PRKN: variants seen among roughly 807,000 people sequenced by gnomAD.
PRKN encodes the protein E3 ubiquitin-protein ligase parkin.
A neutral mutation model predicts 59.5 loss-of-function variants in PRKN; 56 were observed. The observed-to-expected ratio is 0.94, with a 90% CI of 0.76 to 1.18. PRKN has a LOEUF of 1.18. Ranked by LOEUF, PRKN falls within the 50% of genes most tolerant of loss-of-function variation. The pLI, the probability that PRKN is intolerant of heterozygous loss-of-function variation, is 0.00. For synonymous variants in PRKN, 250 were observed against 222.1 expected (o/e 1.13, Z -1.12); for missense variants, 657 against 596.4 (o/e 1.10, Z -1.06).
rs141128005 is a variant in PRKN at position 162,281,594 on chromosome 6, T to C, written c.172-18829A>G. ...AAATGAAAGCAAAATCCAAAGTTGC[T>C]TATAAAAAAGAAATCTTTGTTTTGG... On this transcript the variant is annotated intron_variant, in intron 2 of 11. Transcript: ENST00000366898. Among the ~76,000 whole-genome samples, 167 of 152,228 alleles carry C rather than the reference T, an allele frequency of 1.1e-3. 1 individual carries two copies. The highest frequency in any genetic ancestry group is 3.9e-3 in the African/African-American group (160 of 41,530).
At chr6:161,905,543 A>C (rs76988288) in intron 6 of PRKN, among the ~76,000 whole-genome samples, 9,327 of 152,218 alleles carry the variant, frequency 0.061, 407 homozygotes, top group Middle Eastern at 0.12. Flanking sequence ...GTGTCTCGTT[A>C]ACTGACTGCT....
chr6:162,710,802 GCTCTTGT>G (rs1356320399), intron 1 of PRKN, among the ~76,000 whole-genome samples: 2 of 152,120 alleles, frequency 1.3e-5, no homozygotes, highest in Admixed American at 6.6e-5. Context: ...CTGCAACTAA[GCTCTTGT>G]GGAGAAAAAT....
intron 8 of PRKN, among the ~76,000 whole-genome samples, chr6:161,558,197 A>G (rs1780313583): frequency 6.6e-6 from 1 of 152,166 alleles, no homozygotes; most frequent in Non-Finnish European, 1.5e-5. Flanking sequence ...CTGCATTAGA[A>G]CTAAGGCTGA....
intron 4 of PRKN, among the ~76,000 whole-genome samples, chr6:162,197,671 A>G (rs1784549329): frequency 6.6e-6 from 1 of 152,186 alleles, no homozygotes; most frequent in Admixed American, 6.5e-5. Context: ...GTCTCTTTGT[A>G]AAAACACTGG....
intron 5 of PRKN, among the ~76,000 whole-genome samples, chr6:162,022,614 C>T (rs1196785549): frequency 1.3e-5 from 2 of 152,102 alleles, no homozygotes; most frequent in African/African-American, 4.8e-5. Flanking sequence ...TTCTCTCATT[C>T]TGTAAGTTGT....
At chr6:161,586,272 C>G (rs1461176698) in intron 7 of PRKN, among the ~76,000 whole-genome samples, 1 of 152,194 alleles carries the variant, frequency 6.6e-6, no homozygotes, top group Non-Finnish European at 1.5e-5. Flanking sequence ...CCCACCTCAG[C>G]CTCCCACAGC....
intron 2 of PRKN, among the ~76,000 whole-genome samples, chr6:162,347,924 G>A (rs144743023): frequency 9.9e-5 from 15 of 152,266 alleles, no homozygotes; most frequent in African/African-American, 1.7e-4. Context: ...CCTTGAGAGC[G>A]TTTCCAGGCT....
intron 1 of PRKN, among the ~76,000 whole-genome samples, chr6:162,697,249 G>A (rs1025280002): frequency 2.0e-5 from 3 of 152,066 alleles, no homozygotes; most frequent in African/African-American, 7.2e-5. Context: ...TAAGAAAAAT[G>A]TTTTAAGTTT....
intron 4 of PRKN, among the ~76,000 whole-genome samples, chr6:162,065,946 A>G (rs994014636): frequency 1.3e-5 from 2 of 152,206 alleles, no homozygotes; most frequent in African/African-American, 4.8e-5. Context: ...TATATGTGCC[A>G]CATTTTCTTA....
chr6:161,975,412 ATAGAT>A (rs1780989700), intron 5 of PRKN, among the ~76,000 whole-genome samples: 1 of 152,212 alleles, frequency 6.6e-6, no homozygotes, highest in Non-Finnish European at 1.5e-5. Flanking sequence ...GTGAAAAACA[ATAGAT>A]TAATCAACGC....
chr6:161,748,066 T>C (rs1197004705), intron 7 of PRKN, among the ~76,000 whole-genome samples: 1 of 152,192 alleles, frequency 6.6e-6, no homozygotes, highest in Admixed American at 6.5e-5. Flanking sequence ...TAACCCAGCA[T>C]TAGAAAGGAA....
At chr6:161,941,324 A>G (rs551307550) in intron 6 of PRKN, among the ~76,000 whole-genome samples, 1 of 152,276 alleles carries the variant, frequency 6.6e-6, no homozygotes, top group East Asian at 1.9e-4. Flanking sequence ...GTCTACAGGA[A>G]CACACCAACA....
chr6:162,324,220 A>C (rs12191007), intron 2 of PRKN, among the ~76,000 whole-genome samples: 72,143 of 151,968 alleles, frequency 0.47, 17,763 homozygotes, highest in South Asian at 0.55. Context: ...TAAGTACATT[A>C]TAGACAATGC....
intron 7 of PRKN, among the ~76,000 whole-genome samples, chr6:161,634,633 G>A (rs1783445468): frequency 6.6e-6 from 1 of 152,156 alleles, no homozygotes; most frequent in Non-Finnish European, 1.5e-5. Flanking sequence ...TGGAAGTTGA[G>A]GTGGGCTCGC....
intron 4 of PRKN, among the ~76,000 whole-genome samples, chr6:162,061,074 T>C (rs1002646211): frequency 6.6e-6 from 1 of 152,178 alleles, no homozygotes; most frequent in Admixed American, 6.5e-5. Context: ...AACAAAATGA[T>C]ACAAAGAAGG....
At position 161,550,188 on chromosome 6, in the gene PRKN, G is replaced by A. The variant is rs151241543; in HGVS notation, c.934-1185C>T. Among the ~76,000 whole-genome samples, 1 of 152,164 alleles carries A rather than the reference G, an allele frequency of 6.6e-6. No individual in the cohort carries two copies. Among genetic ancestry groups the A allele is most frequent in the African/African-American group, 2.4e-5 (1 of 41,436 alleles). The stretch of plus-strand genomic sequence containing the variant: ...GTTGGCTGTTCAGGGTACAACAAGG[G>A]GGGCAGTGGGGCGGAGGCAGAGAGA... On this transcript the variant is annotated intron_variant, in intron 8 of 11. Transcript: ENST00000366898. The surrounding 1 kb of genome is among the most constrained non-coding windows in gnomAD (Gnocchi z 4.0).
At chr6:162,386,246 T>C (rs1786801083) in intron 2 of PRKN, among the ~76,000 whole-genome samples, 1 of 152,176 alleles carries the variant, frequency 6.6e-6, no homozygotes, top group Admixed American at 6.5e-5. Flanking sequence ...GGTAATACAT[T>C]TGATAATTTG....
chr6:161,735,875 A>T (rs1463527330), intron 7 of PRKN, among the ~76,000 whole-genome samples: 1 of 152,050 alleles, frequency 6.6e-6, no homozygotes, highest in African/African-American at 2.4e-5. Context: ...AGATTGCTCC[A>T]TTGTACTCCA....
intron 1 of PRKN, among the ~76,000 whole-genome samples, chr6:162,548,772 A>T (rs1779219614): frequency 6.6e-6 from 1 of 152,184 alleles, no homozygotes; most frequent in South Asian, 2.1e-4. Flanking sequence ...AAAAAGACCA[A>T]GAGCTATTTC....
Sources: allele counts gnomAD v4.1 joint callset (sites outside exome capture counted in the v4.1 genomes callset), GRCh38; gene constraint gnomAD v4.1.1; non-coding constraint Gnocchi (gnomAD v3.1); transcripts MANE v1.5; gene names NCBI Gene and HGNC (gene_info 2026-07-23, HGNC 2026-07-21).